The following ELF4 variants were observed in gnomAD, a reference collection of about 807,000 sequenced individuals.
ELF4 encodes the protein ETS-related transcription factor Elf-4.
ELF4 carries 10 observed loss-of-function variants against 31.7 expected under a neutral mutation model. The ratio of observed to expected loss-of-function variants is 0.32; its 90% CI spans 0.19 to 0.54. ELF4 has a LOEUF of 0.54. Among genes scored for constraint, ELF4 ranks in the 20% least tolerant of loss-of-function variants. The probability of loss-of-function intolerance (pLI) is 0.95; values close to 1 mark genes in which losing one functional copy is unlikely to be tolerated. For synonymous variants in ELF4, 208 were observed against 226.7 expected (o/e 0.92, Z 0.74); for missense variants, 418 against 522.0 (o/e 0.80, Z 1.94).
In ELF4 at chrX:130,110,411, T is replaced by TC. The variant is rs1461073335; in HGVS notation, c.-297dup. The TC allele has an allele frequency of 9.2e-6, 1 of 108,594 alleles. No individual in the cohort carries two copies. Among genetic ancestry groups the TC allele is most frequent in the African/African-American group, 3.4e-5 (1 of 29,821 alleles). The allele number at this position is 108,594 out of a possible 1,213,427, so 8.9% of individuals were successfully genotyped here. A position where few individuals can be genotyped will look rare whatever the true frequency, so the allele number is the denominator to read the frequency against. ...CCCGCTCCGGGGGCCGAGACGCGGG[T>TC]CCCCAGCCCCGCCAGCCCGTCCTCT... On this transcript the variant is annotated 5_prime_UTR_variant, in exon 1 of 9. Transcript: ENST00000308167.
At chrX:130,087,549 C>T (rs190836362) in intron 1 of ELF4, among the ~76,000 whole-genome samples, 12 of 112,643 alleles carry the variant, frequency 1.1e-4, no homozygotes, top group African/African-American at 1.9e-4. Context: ...GGCGCGATCT[C>T]GGCTCACTGC....
chrX:130,111,206 G>A (rs1429066532), upstream of ELF4, among the ~76,000 whole-genome samples: 1 of 110,956 alleles, frequency 9.0e-6, no homozygotes, highest in Non-Finnish European at 1.9e-5. Context: ...GTGCGCCGCG[G>A]CCCGGGCGGG....
chrX:130,108,863 A>G (rs1039808757), intron 1 of ELF4, among the ~76,000 whole-genome samples: 5 of 109,674 alleles, frequency 4.6e-5, no homozygotes, highest in African/African-American at 1.0e-4. Context: ...TCCAGCCCCA[A>G]AAACAACCAG....
chrX:130,110,225 G>A (rs1381067432), intron 1 of ELF4, 100 bp downstream of exon 1: 1 of 110,858 alleles, frequency 9.0e-6, no homozygotes, highest in Non-Finnish European at 1.9e-5. Context: ...CCTTCCCTGG[G>A]CCCCCAGCCC....
At chrX:130,074,822 T>G in intron 2 of ELF4, 70 bp from the exon 3 acceptor site, 1 of 1,133,588 alleles carries the variant, frequency 8.8e-7, no homozygotes, top group Non-Finnish European at 1.2e-6. Flanking sequence ...TACCAGAATC[T>G]GGCCCTCTGT....
intron 1 of ELF4, among the ~76,000 whole-genome samples, chrX:130,106,811 C>A (rs1364367367): frequency 2.7e-5 from 3 of 111,646 alleles, no homozygotes; most frequent in Non-Finnish European, 5.7e-5. Context: ...CTGCCCAGGG[C>A]CTTTCCCAGC....
At chrX:130,078,117 G>A (rs906935692) in intron 2 of ELF4, among the ~76,000 whole-genome samples, 3 of 20,115 alleles carry the variant, frequency 1.5e-4, no homozygotes, top group Admixed American at 6.5e-4. Flanking sequence ...GCTCGATCTC[G>A]GCTCACTGCA....
intron 7 of ELF4, 145 bp from the exon 8 acceptor site, chrX:130,069,822 G>A (rs760894891): frequency 1.5e-5 from 13 of 846,037 alleles, no homozygotes; most frequent in Non-Finnish European, 2.2e-5. Flanking sequence ...GAGGGCCCAA[G>A]GGCAAGGGAA....
intron 1 of ELF4, among the ~76,000 whole-genome samples, chrX:130,105,853 CCTGTGT>C (rs1458247830): frequency 2.8e-5 from 2 of 71,843 alleles, no homozygotes; most frequent in African/African-American, 6.2e-5. Context: ...TCCCCAGGGG[CCTGTGT>C]GTGTGTGTGT....
At position 130,067,220 on chromosome X, in the gene ELF4, T is replaced by C; in HGVS notation, c.1493A>G (p.Asn498Ser). The C allele has an allele frequency of 2.5e-6, 3 of 1,210,542 alleles. No homozygotes were observed. The highest frequency in any genetic ancestry group is 3.4e-6 in the Non-Finnish European group (3 of 894,811). ...QLLAGANRPT[N>S]PAPPTVTGAG... Reference sequence around the variant, plus strand: ...CCCTGTGACCGTGGGTGGCGCCGGGTTGGTCGGACGGTTGGCCCCAGCCAG... The same window carrying C: ...CCCTGTGACCGTGGGTGGCGCCGGGCTGGTCGGACGGTTGGCCCCAGCCAG... Residue 498 changes from asparagine (N) to serine (S), a missense_variant, in exon 9 of 9, where the codon AAC becomes AGC. By Grantham distance (46) the Asn-to-Ser change is conservative (BLOSUM62 1). Around this residue, in one of 4 missense-constraint regions of ELF4, gnomAD observed 260 missense variants for 269.2 expected, o/e 0.97. Coordinates refer to ENST00000308167, the MANE Select transcript of ELF4 (RefSeq NM_001421.4).
chrX:130,097,854 C>T (rs975966783), intron 1 of ELF4, among the ~76,000 whole-genome samples: 1 of 112,937 alleles, frequency 8.9e-6, no homozygotes, highest in African/African-American at 3.2e-5. Flanking sequence ...AGCCTAGCCC[C>T]CGCTGGACAG....
At chrX:130,100,794 A>G (rs1240134858) in intron 1 of ELF4, among the ~76,000 whole-genome samples, 2 of 112,182 alleles carry the variant, frequency 1.8e-5, no homozygotes, top group African/African-American at 6.5e-5. Flanking sequence ...CACGGGATCA[A>G]AGCCCATTTC....
chrX:130,099,160 C>T (rs1425878690), intron 1 of ELF4, among the ~76,000 whole-genome samples: 1 of 112,329 alleles, frequency 8.9e-6, no homozygotes, highest in Non-Finnish European at 1.9e-5. Context: ...AGGCACGCCA[C>T]GTCACAGGGC....
chrX:130,104,823 C>T (rs757286930), intron 1 of ELF4, among the ~76,000 whole-genome samples: 1 of 111,528 alleles, frequency 9.0e-6, no homozygotes, highest in South Asian at 3.7e-4. Context: ...TTCTGAGAGG[C>T]AGGAAGTGCC....
intron 1 of ELF4, among the ~76,000 whole-genome samples, chrX:130,099,353 C>T (rs1322455254): frequency 2.7e-5 from 3 of 111,695 alleles, no homozygotes; most frequent in Admixed American, 1.9e-4. Flanking sequence ...GCGGGTGGAT[C>T]GCCTGAGGTC....
chrX:130,097,330 G>A (rs1603209014), intron 1 of ELF4, among the ~76,000 whole-genome samples: 2 of 109,926 alleles, frequency 1.8e-5, no homozygotes, highest in Non-Finnish European at 3.8e-5. Flanking sequence ...CCAGCTACTC[G>A]GGAGGCTGAG....
chrX:130,066,488 T>C lies in ELF4; in HGVS notation c.*233A>G. ...TTCCCTCCATCACCAAGTCAGCCCGTTATGCTGCCAAAAGCATATGCCCTA... is the reference window on the plus strand; with the variant it reads ...TTCCCTCCATCACCAAGTCAGCCCGCTATGCTGCCAAAAGCATATGCCCTA... On this transcript the variant is annotated 3_prime_UTR_variant, in exon 9 of 9. Transcript: ENST00000308167. The C allele has an allele frequency of 2.6e-6, 1 of 391,840 alleles. No homozygotes were observed. Among genetic ancestry groups the C allele is most frequent in the South Asian group, 5.3e-5 (1 of 18,785 alleles). The allele number at this position is 391,840 out of a possible 1,213,427, so 32.3% of individuals were successfully genotyped here. A position where few individuals can be genotyped will look rare whatever the true frequency, so the allele number is the denominator to read the frequency against.
At position 130,096,166 on chromosome X, in the gene ELF4, A is replaced by G. The variant is rs750881671; in HGVS notation, c.-210+14159T>C. On this transcript the variant is annotated intron_variant, in intron 1 of 8. Coordinates refer to ENST00000308167, the MANE Select transcript of ELF4 (RefSeq NM_001421.4). ...GGGATTTCTTTTGGGGGTGATGAAA[A>G]TGTTTTGGGTTTTTTTTTGTTTTGT... Among the ~76,000 whole-genome samples the G allele has an allele frequency of 5.4e-5, 6 of 110,994 alleles. No homozygotes were observed. In the South Asian group the frequency reaches 1.9e-3, roughly 35 times the overall value.
At chrX:130,079,939 A>G (rs1008854581) in intron 2 of ELF4, among the ~76,000 whole-genome samples, 2 of 111,999 alleles carry the variant, frequency 1.8e-5, no homozygotes, top group African/African-American at 6.5e-5. Context: ...GCTTTAAGGC[A>G]AGGAGGTAGA....
Sources: allele counts gnomAD v4.1 joint callset (sites outside exome capture counted in the v4.1 genomes callset), GRCh38; gene constraint gnomAD v4.1.1; regional missense constraint gnomAD v4.1.1; transcripts MANE v1.5; gene names NCBI Gene and HGNC (gene_info 2026-07-23, HGNC 2026-07-21).